Variants in USH2A observed in about 807,000 individuals in gnomAD.
USH2A encodes usherin.
USH2A carries 443 observed loss-of-function variants against 538.9 expected under a neutral mutation model. The observed-to-expected ratio is 0.82, with a 90% confidence interval of 0.76 to 0.89. The LOEUF (loss-of-function observed/expected upper bound fraction) is 0.89, where lower values mean the gene tolerates loss of function less well. USH2A is among the 40% of genes least tolerant of loss of function. The probability of loss-of-function intolerance (pLI) is 0.00; values close to 1 mark genes in which losing one functional copy is unlikely to be tolerated. For missense variants in USH2A, 6,633 were observed against 6,324.8 expected, an observed-to-expected ratio of 1.05 and a Z score of -1.65; for synonymous variants, 2,413 against 2,273.5, an observed-to-expected ratio of 1.06 and a Z score of -1.75.
intron 4 of USH2A, among the ~76,000 whole-genome samples, chr1:216,346,105 C>G (rs896588714): frequency 6.6e-6 from 1 of 152,078 alleles, no homozygotes; most frequent in Non-Finnish European, 1.5e-5. Context: ...AATGGTCTGT[C>G]TTGAATTTTC....
intron 51 of USH2A, among the ~76,000 whole-genome samples, 196 bp downstream of exon 51, chr1:215,789,863 C>T (rs1427995283): frequency 6.6e-6 from 1 of 152,114 alleles, no homozygotes; most frequent in Non-Finnish European, 1.5e-5. Flanking sequence ...AACAGCTAAT[C>T]ATTATTAATT....
chr1:215,976,231 T>C (rs1667616424), intron 35 of USH2A, among the ~76,000 whole-genome samples: 1 of 152,316 alleles, frequency 6.6e-6, no homozygotes, highest in Middle Eastern at 3.4e-3. Flanking sequence ...TTTTGGGTTT[T>C]GTAGGCATAA....
intron 43 of USH2A, among the ~76,000 whole-genome samples, chr1:215,870,916 C>CAA (rs1664609523): frequency 6.6e-6 from 1 of 152,040 alleles, no homozygotes; most frequent in Non-Finnish European, 1.5e-5. Context: ...ATACTTATGA[C>CAA]AAAACTTATG....
chr1:215,956,652 G>T (rs1667075759), intron 37 of USH2A, among the ~76,000 whole-genome samples: 1 of 152,040 alleles, frequency 6.6e-6, no homozygotes, highest in Non-Finnish European at 1.5e-5. Context: ...ACGACCCATG[G>T]TTACAATTTC....
At chr1:216,320,878 C>T (rs948495781) in intron 9 of USH2A, among the ~76,000 whole-genome samples, 6 of 152,038 alleles carry the variant, frequency 3.9e-5, no homozygotes, top group African/African-American at 1.4e-4. Context: ...TTATCACTAC[C>T]TTACATTTAT....
chr1:216,178,462 A>G (rs974290749), intron 20 of USH2A, among the ~76,000 whole-genome samples: 15 of 152,290 alleles, frequency 9.8e-5, no homozygotes, highest in African/African-American at 3.6e-4. Context: ...GTTTAGAGTT[A>G]CATATTTGTA....
Position 216,027,787 on chromosome 1 carries a change from T to C in USH2A, c.6325+18644A>G, listed in dbSNP as rs192139513. On this transcript the variant is annotated intron_variant, in intron 32 of 71. Transcript: ENST00000307340. The stretch of plus-strand genomic sequence containing the variant: ...TGAATAAGAGACAATTTAATTGACA[T>C]GTTGTCTCCAAGAATACATTGATAA... 3.5e-5 allele frequency among the ~76,000 whole-genome samples: 4 copies of C among 113,988 alleles called. No homozygotes were observed. The East Asian group carries it at 8.5e-4, about 24-fold the overall frequency. The allele number at this position is 113,988 out of a possible 152,430, so 74.8% of individuals were successfully genotyped here. A position where few individuals can be genotyped will look rare whatever the true frequency, so the allele number is the denominator to read the frequency against.
intron 66 of USH2A, 21 bp downstream of exon 66, chr1:215,648,507 T>A (rs1185100239): frequency 6.2e-7 from 1 of 1,611,510 alleles, no homozygotes; most frequent in Admixed American, 1.7e-5. Flanking sequence ...AGTTTCTTCA[T>A]CCTTCTGCCT....
rs2036974461 is a variant in USH2A, at chr1:216,290,166, CAA to C, written c.1841-758_1841-757del. Among the ~76,000 whole-genome samples the C allele has an allele frequency of 2.0e-5, 3 of 152,128 alleles. No individual in the cohort carries two copies. The South Asian group carries it at 6.2e-4, about 32-fold the overall frequency. On this transcript the variant is annotated intron_variant, in intron 10 of 71. Transcript: ENST00000307340. ...AATTGAAATAAGCTGAAGTAGAACT[CAA>C]GACTATCAATTCCCCCTTTAAACAT...
Position 216,325,580 on chromosome 1 carries a change from A to C in USH2A, c.868T>G (p.Ser290Ala), listed in dbSNP as rs746122630. 1.9e-6 allele frequency: 3 copies of C among 1,613,260 alleles called. No homozygotes were observed. Among genetic ancestry groups the C allele is most frequent in the Non-Finnish European group, 2.5e-6 (3 of 1,179,574 alleles). The stretch of plus-strand genomic sequence containing the variant: ...GCATGCAATCTGAGAAGATCTCCAG[A>C]GAAGACTTCCAGAATCTCTCTGTGG... Reference protein sequence around the residue: ...LTNREILEVFSGDLLRLHAQS... With the variant: ...LTNREILEVFAGDLLRLHAQS... The change falls in exon 6 of 72, where the codon TCT (serine) becomes GCT (alanine). Residue 290 changes from serine (S) to alanine (A), a missense_variant. Ser to Ala is a moderately conservative substitution (Grantham distance 99). Coordinates refer to ENST00000307340, the MANE Select transcript of USH2A (RefSeq NM_206933.4).
chr1:216,188,907 A>C (rs975600002), intron 20 of USH2A, among the ~76,000 whole-genome samples: 2 of 151,862 alleles, frequency 1.3e-5, no homozygotes, highest in South Asian at 4.1e-4. Context: ...TACTTTCTCC[A>C]ACTTGTAAGA....
At chr1:216,394,520 T>C (rs181167239) in intron 3 of USH2A, among the ~76,000 whole-genome samples, 1 of 152,260 alleles carries the variant, frequency 6.6e-6, no homozygotes, top group East Asian at 1.9e-4. Flanking sequence ...TTTTGCTTTA[T>C]ATAAGTCATT....
intron 21 of USH2A, among the ~76,000 whole-genome samples, chr1:216,103,195 C>T (rs1032122655): frequency 1.3e-5 from 2 of 152,224 alleles, no homozygotes; most frequent in Admixed American, 6.5e-5. Context: ...AAGGCAGGCC[C>T]ACTGGGGGCC....
intron 15 of USH2A, among the ~76,000 whole-genome samples, chr1:216,209,255 A>T (rs1166649859): frequency 1.1e-4 from 17 of 152,210 alleles, no homozygotes; most frequent in Admixed American, 1.1e-3. Flanking sequence ...GGATGCAGTT[A>T]GCTTGAGGCT....
chr1:216,417,609 A>ACCTCCCTTTCTTTCTTTT (rs1377327947), intron 3 of USH2A, among the ~76,000 whole-genome samples: 4 of 151,810 alleles, frequency 2.6e-5, no homozygotes, highest in Non-Finnish European at 5.9e-5. Context: ...AGTGTGAAGT[A>ACCTCCCTTTCTTTCTTTT]CCTCCCTTTC....
At chr1:215,722,951 G>A (rs1659705659) in intron 61 of USH2A, among the ~76,000 whole-genome samples, 1 of 152,142 alleles carries the variant, frequency 6.6e-6, no homozygotes, top group Non-Finnish European at 1.5e-5. Context: ...AACCCAAATG[G>A]TGGTAGCAAT....
At chr1:215,722,444 G>C (rs1435516078) in intron 61 of USH2A, among the ~76,000 whole-genome samples, 1 of 151,932 alleles carries the variant, frequency 6.6e-6, no homozygotes, top group East Asian at 1.9e-4. Context: ...AATGAAAATG[G>C]GATTAAAAAT....
At chr1:215,883,255 G>A (rs974628591) in intron 41 of USH2A, among the ~76,000 whole-genome samples, 6 of 152,020 alleles carry the variant, frequency 3.9e-5, no homozygotes, top group African/African-American at 1.4e-4. Flanking sequence ...AAAGTATCTT[G>A]TATTATAAAT....
intron 30 of USH2A, among the ~76,000 whole-genome samples, chr1:216,056,452 C>A (rs974324628): frequency 6.6e-6 from 1 of 152,228 alleles, no homozygotes; most frequent in South Asian, 2.1e-4. Flanking sequence ...GTGCTCAAGT[C>A]CAGACAGCTA....
Sources: allele counts gnomAD v4.1 joint callset (sites outside exome capture counted in the v4.1 genomes callset), GRCh38; gene constraint gnomAD v4.1.1; transcripts MANE v1.5; gene names NCBI Gene and HGNC (gene_info 2026-07-23, HGNC 2026-07-21).